The following ABCB5 variants were observed in gnomAD, a reference collection of about 807,000 sequenced individuals.
ABCB5 encodes the protein ATP-binding cassette sub-family B member 5.
ABCB5 carries 155 observed loss-of-function variants against 144.2 expected under a neutral mutation model. That is an observed-to-expected ratio of 1.08 (90% CI 0.94 to 1.23). ABCB5 has a LOEUF of 1.23. Ranked by LOEUF, ABCB5 falls within the 50% of genes most tolerant of loss-of-function variation. ABCB5 has a pLI of 0.00. For synonymous variants in ABCB5, 610 were observed against 528.6 expected (o/e 1.15, Z -2.11); for missense variants, 1,830 against 1,520.8 (o/e 1.20, Z -3.38).
At chr7:20,688,706 C>T (rs1786091429) in intron 16 of ABCB5, among the ~76,000 whole-genome samples, 1 of 152,148 alleles carries the variant, frequency 6.6e-6, no homozygotes, top group Admixed American at 6.5e-5. Context: ...ATAGCAAAGA[C>T]TTGGAACCAA....
Position 20,628,797 on chromosome 7 carries a change from G to A in ABCB5, c.218G>A (p.Ser73Asn), listed in dbSNP as rs759841996. ...ATGCCACTGGTTTTAGGAGAAATGA[G>A]TGATAACCTTATTAGTGGATGTCTA... ...PLMPLVLGEMSDNLISGCLVQ... is the reference protein window; with the variant it reads ...PLMPLVLGEMNDNLISGCLVQ... Residue 73 changes from serine (S) to asparagine (N), a missense_variant, in exon 4 of 28, where the codon AGT (serine) becomes AAT (asparagine). Ser to Asn is a conservative substitution (Grantham distance 46, BLOSUM62 1). Transcript: ENST00000404938. The A allele has an allele frequency of 6.2e-7, 1 of 1,613,806 alleles. No homozygotes were observed. The highest frequency in any genetic ancestry group is 1.1e-5 in the South Asian group (1 of 91,076).
intron 20 of ABCB5, 25 bp from the exon 21 acceptor site, chr7:20,722,991 T>C (rs1781921812): frequency 6.2e-7 from 1 of 1,608,744 alleles, no homozygotes; most frequent in Non-Finnish European, 8.5e-7. Context: ...TTGAGTTTTT[T>C]CCCCCAAAAT....
intron 14 of ABCB5, among the ~76,000 whole-genome samples, chr7:20,667,772 G>A (rs1269107334): frequency 7.5e-6 from 1 of 133,792 alleles, no homozygotes; most frequent in Non-Finnish European, 1.6e-5. Context: ...CTGATGCCGA[G>A]CCAAACCTGG....
At chr7:20,687,400 A>G (rs1786038415) in intron 16 of ABCB5, among the ~76,000 whole-genome samples, 1 of 152,282 alleles carries the variant, frequency 6.6e-6, no homozygotes, top group Admixed American at 6.5e-5. Flanking sequence ...GATAAAATAT[A>G]AAATGAGAAA....
chr7:20,720,228 G>A (rs1011857264), intron 20 of ABCB5, among the ~76,000 whole-genome samples: 2 of 152,018 alleles, frequency 1.3e-5, no homozygotes, highest in East Asian at 3.8e-4. Flanking sequence ...GCTACATCTG[G>A]GATAATTTGA....
chr7:20,756,322 T>C lies in ABCB5; in HGVS notation c.*698T>C, dbSNP rs1050776942. On this transcript the variant is annotated 3_prime_UTR_variant, in exon 28 of 28. Transcript: ENST00000404938. ...CAGTATAAGTCACAGGCCTACCTGT[T>C]TATGAAAACTTACTTACTTAAAATA... is the stretch of plus-strand genomic sequence containing the variant. 1.3e-5 allele frequency: 2 copies of C among 152,272 alleles called. No homozygotes were observed. Among genetic ancestry groups the C allele is most frequent in the African/African-American group, 4.8e-5 (2 of 41,436 alleles). 9.4% of individuals were successfully genotyped at this position (152,272 alleles called of 1,614,324 possible).
chr7:20,736,148 T>A (rs145867243), intron 23 of ABCB5, among the ~76,000 whole-genome samples: 3 of 152,306 alleles, frequency 2.0e-5, no homozygotes, highest in Non-Finnish European at 4.4e-5. Flanking sequence ...ACTTGGAAAG[T>A]TGTGATTTGA....
chr7:20,644,228 G>A (rs1033342071), intron 7 of ABCB5, among the ~76,000 whole-genome samples: 1 of 151,936 alleles, frequency 6.6e-6, no homozygotes, highest in Non-Finnish European at 1.5e-5. Context: ...GGGACTACAG[G>A]CAACCACGCC....
chr7:20,716,271 C>T (rs1036397635), intron 20 of ABCB5, among the ~76,000 whole-genome samples: 1 of 151,720 alleles, frequency 6.6e-6, no homozygotes, highest in Non-Finnish European at 1.5e-5. Flanking sequence ...TCAAGGTCTA[C>T]AAAACATAAC....
intron 21 of ABCB5, among the ~76,000 whole-genome samples, chr7:20,723,508 G>A (rs1781939942): frequency 1.3e-5 from 2 of 152,180 alleles, no homozygotes; most frequent in Admixed American, 1.3e-4. Context: ...ATATGAGCAG[G>A]TTATGTCAAC....
At position 20,626,579 on chromosome 7, in the gene ABCB5, C is replaced by T. The variant is rs376372685; in HGVS notation, c.76C>T (p.Leu26=). 1.9e-6 allele frequency: 3 copies of T among 1,608,184 alleles called. No homozygotes were observed. The highest frequency in any genetic ancestry group is 2.5e-6 in the Non-Finnish European group (3 of 1,177,180). Residue 26 remains leucine, a synonymous_variant, in exon 3 of 28, where the codon CTG becomes TTG. Coordinates refer to ENST00000404938, the MANE Select transcript of ABCB5 (RefSeq NM_001163941.2). ...RNGTAEEQPK[L]RKEAVGSIEI... ...CAGAACTGCAGAAGAACAGCCAAAACTGAGAAAGGAAGCAGTTGGATCTAT... is the reference window on the plus strand; with the variant it reads ...CAGAACTGCAGAAGAACAGCCAAAATTGAGAAAGGAAGCAGTTGGATCTAT...
chr7:20,723,132 A>G lies in ABCB5; in HGVS notation c.2538A>G (p.Pro846=). ...CATTCCTGATTCTGAGTATTGCTCC[A>G]GTACTTGCCGTGACAGGAATGATTG... ...EMTFLILSIA[P]VLAVTGMIET... is the part of the protein sequence containing the mutation. Residue 846 remains proline, a synonymous_variant, in exon 21 of 28, where the codon CCA becomes CCG. Transcript: ENST00000404938. 6.2e-7 allele frequency: 1 copy of G among 1,614,200 alleles called. No homozygotes were observed. The highest frequency in any genetic ancestry group is 2.2e-5 in the East Asian group (1 of 44,870).
intron 23 of ABCB5, among the ~76,000 whole-genome samples, chr7:20,737,767 T>C (rs955928506): frequency 6.6e-6 from 1 of 152,104 alleles, no homozygotes. Context: ...AAAAAAACCT[T>C]CTGATTTGGT....
chr7:20,629,657 G>A (rs560494327), intron 4 of ABCB5, among the ~76,000 whole-genome samples: 1 of 152,230 alleles, frequency 6.6e-6, no homozygotes, highest in East Asian at 1.9e-4. Context: ...AGCTACTCGG[G>A]AGGCTGAGGC....
intron 13 of ABCB5, among the ~76,000 whole-genome samples, chr7:20,654,635 A>T (rs1435767011): frequency 6.6e-6 from 1 of 152,222 alleles, no homozygotes; most frequent in African/African-American, 2.4e-5. Context: ...CTTTCAAATA[A>T]TAGAAAACAT....
intron 5 of ABCB5, among the ~76,000 whole-genome samples, chr7:20,639,393 A>C (rs1784238420): frequency 6.6e-6 from 1 of 152,112 alleles, no homozygotes; most frequent in South Asian, 2.1e-4. Flanking sequence ...TATGGATTGC[A>C]CTTTTGGGTG....
intron 5 of ABCB5, among the ~76,000 whole-genome samples, chr7:20,634,237 G>GTT (rs1554279013): frequency 1.4e-5 from 1 of 71,298 alleles, no homozygotes; most frequent in South Asian, 4.7e-4. Flanking sequence ...AGTATTCCAT[G>GTT]TTGTGTGTGT....
chr7:20,683,033 C>G, intron 15 of ABCB5, among the ~76,000 whole-genome samples: 1 of 152,152 alleles, frequency 6.6e-6, no homozygotes, highest in East Asian at 1.9e-4. Flanking sequence ...CTACAGATAA[C>G]TGATTTCAAC....
At chr7:20,716,123 A>G (rs1391290313) in intron 20 of ABCB5, among the ~76,000 whole-genome samples, 1 of 152,212 alleles carries the variant, frequency 6.6e-6, no homozygotes, top group Non-Finnish European at 1.5e-5. Context: ...TCCAAACAGA[A>G]AAGAATAACT....
Sources: gnomAD v4.1 joint callset for allele counts (sites outside exome capture counted in the v4.1 genomes callset) on GRCh38, gnomAD v4.1.1 for gene constraint, MANE v1.5 for transcripts, NCBI Gene and HGNC (gene_info 2026-07-23, HGNC 2026-07-21) for gene names.